COL6A6: variants seen among roughly 807,000 people sequenced by gnomAD.
COL6A6 encodes collagen alpha-6(VI) chain.
COL6A6 carries 183 observed loss-of-function variants against 208.6 expected under a neutral mutation model. The observed-to-expected ratio is 0.88, with a 90% CI of 0.78 to 0.99. COL6A6 has a LOEUF of 0.99. Among genes scored for constraint, COL6A6 ranks in the 50% least tolerant of loss-of-function variants. The pLI is 0.00. For missense variants in COL6A6, 2,816 were observed against 2,815.2 expected, an observed-to-expected ratio of 1.00 and a Z score of -0.01; for synonymous variants, 973 against 1,011.8, an observed-to-expected ratio of 0.96 and a Z score of 0.73.
In COL6A6 at chr3:130,562,886, C is replaced by T. The variant is rs375539442; in HGVS notation, c.65-182C>T. ...ATGAGAAGTTGTTTAAAAGAATCAG[C>T]CCAAGATACAGCTATTTCTTTTTCT... On this transcript the variant is annotated intron_variant, in intron 2 of 36. Coordinates refer to ENST00000358511, the MANE Select transcript of COL6A6 (RefSeq NM_001102608.3). Among the ~76,000 whole-genome samples, 9 of 152,236 alleles carry T rather than the reference C, an allele frequency of 5.9e-5. No homozygotes were observed. The East Asian group carries it at 1.2e-3, about 20-fold the overall frequency.
chr3:130,634,253 A>T (rs1453045483), intron 26 of COL6A6, among the ~76,000 whole-genome samples: 2 of 61,068 alleles, frequency 3.3e-5, no homozygotes, highest in Non-Finnish European at 4.9e-5. Context: ...AAAAAAAAAA[A>T]AAAAAAAAAA....
At chr3:130,545,202 G>A (rs558556184) in intron 1 of COL6A6, among the ~76,000 whole-genome samples, 1 of 152,132 alleles carries the variant, frequency 6.6e-6, no homozygotes, top group East Asian at 1.9e-4. Flanking sequence ...TTTTGTGGAT[G>A]GTGTAAGATA....
At chr3:130,646,748 C>G (rs1307357326) in intron 32 of COL6A6, among the ~76,000 whole-genome samples, 1 of 152,100 alleles carries the variant, frequency 6.6e-6, no homozygotes, top group African/African-American at 2.4e-5. Context: ...TAGGCAAAGG[C>G]CAGAGCAAGC....
At position 130,531,777 on chromosome 3, in the gene COL6A6, G is replaced by A. The variant is rs147554047; in HGVS notation, c.-32+14380G>A. ...AAATCCTGCTGTTTACCAGCTTGTA[G>A]CCTTGGTAGAGTCACTCGTTCTTGC... On this transcript the variant is annotated intron_variant, in intron 1 of 36. Transcript: ENST00000358511. Among the ~76,000 whole-genome samples, 113 of 152,340 alleles carry A rather than the reference G, an allele frequency of 7.4e-4. 1 individual carries two copies. In the East Asian group the frequency reaches 0.021, roughly 28 times the overall value.
intron 8 of COL6A6, among the ~76,000 whole-genome samples, chr3:130,579,678 C>T (rs755003683): frequency 2.0e-5 from 3 of 152,204 alleles, no homozygotes; most frequent in Admixed American, 6.5e-5. Context: ...TCAGCTTTCT[C>T]CCTAGCTCAC....
intron 1 of COL6A6, among the ~76,000 whole-genome samples, chr3:130,525,044 T>C (rs1236625956): frequency 6.6e-6 from 1 of 152,254 alleles, no homozygotes; most frequent in East Asian, 1.9e-4. Flanking sequence ...TTATCACATT[T>C]AATCCTTACA....
rs761718401 is a variant in COL6A6 at position 130,570,863 on chromosome 3, G to A, written c.2447G>A (p.Ser816Asn). Residue 816 changes from serine to asparagine, a missense_variant, in exon 7 of 37, where the codon AGC becomes AAC. Ser to Asn is a conservative substitution (Grantham distance 46). Transcript: ENST00000358511. ...EVLDVVFVIDSSGSIDYDEYN... is the reference protein window; with the variant it reads ...EVLDVVFVIDNSGSIDYDEYN... ...TTAGACGTTGTGTTTGTCATTGATA[G>A]CTCTGGCAGTATTGACTATGATGAG... 1 of 1,613,850 alleles carries A rather than the reference G, an allele frequency of 6.2e-7. No homozygotes were observed. The highest frequency in any genetic ancestry group is 1.7e-5 in the Admixed American group (1 of 60,020).
rs762134746 is a variant in COL6A6, at chr3:130,591,072, A to G, written c.4250A>G (p.Tyr1417Cys). 87 of 1,584,220 alleles carry G rather than the reference A, an allele frequency of 5.5e-5. No individual in the cohort carries two copies. The highest frequency in any genetic ancestry group is 7.2e-5 in the Non-Finnish European group (84 of 1,163,446). ...CCAGGTTTTAAAGGCAGTGAAGGCT[A>G]CCTGGGAGAGGAGGGAATCGCTGTA... The part of the protein sequence containing the change: ...GPPGFKGSEG[Y>C]LGEEGIAGER... The change falls in exon 13 of 37, where the codon TAC becomes TGC. Residue 1417 changes from tyrosine to cysteine, a missense_variant. Tyr to Cys is a radical substitution (Grantham distance 194). Coordinates refer to ENST00000358511, the MANE Select transcript of COL6A6 (RefSeq NM_001102608.3).
Position 130,517,330 on chromosome 3 carries a change from C to A in COL6A6, c.-99C>A, listed in dbSNP as rs545384477. Among the ~76,000 whole-genome samples, 2 of 152,240 alleles carry A rather than the reference C, an allele frequency of 1.3e-5. No individual in the cohort carries two copies. Among genetic ancestry groups the A allele is most frequent in the African/African-American group, 2.4e-5 (1 of 41,478 alleles). On this transcript the variant is annotated 5_prime_UTR_variant, in exon 1 of 37. Transcript: ENST00000358511. ...CGGTGCGCCCTGCCCGCGCAGTGCG[C>A]GTCCAGAGGAAATCCGCCCCGGGCT...
At chr3:130,599,889 G>C in intron 20 of COL6A6, 79 bp downstream of exon 20, 1 of 1,339,744 alleles carries the variant, frequency 7.5e-7, no homozygotes. Flanking sequence ...TTGGGGGAGT[G>C]GGTGGGATGG....
Position 130,609,575 on chromosome 3 carries a change from A to G in COL6A6, c.4752+611A>G, listed in dbSNP as rs535309086. Among the ~76,000 whole-genome samples the G allele has an allele frequency of 3.3e-4, 51 of 152,320 alleles. 1 individual carries two copies. Among genetic ancestry groups the G allele is most frequent in the Admixed American group, 2.4e-3 (37 of 15,296 alleles). On this transcript the variant is annotated intron_variant, in intron 22 of 36. Coordinates refer to ENST00000358511, the MANE Select transcript of COL6A6 (RefSeq NM_001102608.3). ...GAGGGCAAAATTTAGCTAACATATT[A>G]TGATAAAGGAAAGGAAATCCTAGCA...
At chr3:130,553,870 T>G (rs1273846906) in intron 1 of COL6A6, among the ~76,000 whole-genome samples, 3 of 118,240 alleles carry the variant, frequency 2.5e-5, no homozygotes, top group Admixed American at 9.1e-5. Context: ...TGTTTTGTTT[T>G]GTTTTTTTGC....
chr3:130,553,231 G>A (rs750148828), intron 1 of COL6A6, among the ~76,000 whole-genome samples: 51 of 152,206 alleles, frequency 3.4e-4, no homozygotes, highest in Admixed American at 1.3e-3. Context: ...ATGACATCCT[G>A]AAAAATATTT....
At chr3:130,530,858 A>G (rs924745485) in intron 1 of COL6A6, among the ~76,000 whole-genome samples, 2 of 152,088 alleles carry the variant, frequency 1.3e-5, no homozygotes, top group African/African-American at 4.8e-5. Flanking sequence ...CCTGAGGGAG[A>G]AGAAATTCTG....
intron 8 of COL6A6, among the ~76,000 whole-genome samples, chr3:130,575,521 A>G (rs979882119): frequency 6.6e-5 from 10 of 152,210 alleles, no homozygotes; most frequent in Non-Finnish European, 1.0e-4. Context: ...GTGTAATGTT[A>G]AAACTTTACA....
intron 10 of COL6A6, 121 bp from the exon 11 acceptor site, chr3:130,586,385 G>A: frequency 1.3e-6 from 1 of 759,270 alleles, no homozygotes; most frequent in Non-Finnish European, 2.1e-6. Flanking sequence ...GGGGGAAGTG[G>A]ACAGTAAACT....
chr3:130,650,641 C>A (rs989421057), intron 33 of COL6A6, among the ~76,000 whole-genome samples: 2 of 151,670 alleles, frequency 1.3e-5, no homozygotes, highest in Non-Finnish European at 1.5e-5. Flanking sequence ...AAAAGGCCAG[C>A]CATTTGAAAA....
intron 1 of COL6A6, among the ~76,000 whole-genome samples, chr3:130,547,394 A>G (rs1012730090): frequency 6.6e-6 from 1 of 152,356 alleles, no homozygotes; most frequent in Non-Finnish European, 1.5e-5. Context: ...GGGAACTCGC[A>G]CTGGCCTGCA....
chr3:130,641,683 C>A lies in COL6A6; in HGVS notation c.5123C>A (p.Ser1708Tyr). The A allele has an allele frequency of 1.9e-6, 3 of 1,598,870 alleles. No individual in the cohort carries two copies. The highest frequency in any genetic ancestry group is 4.5e-5 in the East Asian group (2 of 44,752). Residue 1708 changes from serine to tyrosine, a missense_variant, in exon 29 of 37, where the codon TCC becomes TAC. Transcript: ENST00000358511. ...ISAGLPGEMG[S>Y]PGEPGPPGRK... ...GCTGGGCTTCCAGGAGAGATGGGAT[C>A]CCCTGGGGAACCAGGACCTCCTGGA... is the stretch of plus-strand genomic sequence containing the variant.
Sources: allele counts gnomAD v4.1 joint callset (sites outside exome capture counted in the v4.1 genomes callset), GRCh38; gene constraint gnomAD v4.1.1; transcripts MANE v1.5; gene names NCBI Gene and HGNC (gene_info 2026-07-23, HGNC 2026-07-21).